The following PARD3B variants were observed in gnomAD, a reference collection of about 807,000 sequenced individuals.
The protein encoded by PARD3B is partitioning defective 3 homolog B.
A neutral mutation model predicts 130.2 loss-of-function variants in PARD3B; 103 were observed. That is an observed-to-expected ratio of 0.79 (90% CI 0.67 to 0.93). The LOEUF is 0.93. Ranked by LOEUF, PARD3B falls within the 40% of genes least tolerant of loss-of-function variation. The pLI is 0.00. For missense variants in PARD3B, 1,609 were observed against 1,499.2 expected, an observed-to-expected ratio of 1.07 and a Z score of -1.21; for synonymous variants, 583 against 553.2, an observed-to-expected ratio of 1.05 and a Z score of -0.76.
intron 20 of PARD3B, among the ~76,000 whole-genome samples, chr2:205,456,258 A>T (rs1328319269): frequency 6.6e-6 from 1 of 152,152 alleles, no homozygotes; most frequent in African/African-American, 2.4e-5. Flanking sequence ...TTAATCATTC[A>T]TCTGTTCCTG....
chr2:204,909,170 T>A (rs750553963), intron 2 of PARD3B, among the ~76,000 whole-genome samples: 8 of 152,168 alleles, frequency 5.3e-5, no homozygotes, highest in Non-Finnish European at 1.5e-5. Flanking sequence ...TACACTTTTG[T>A]CAAGATATTA....
chr2:204,795,053 A>G (rs1030483057), intron 2 of PARD3B, among the ~76,000 whole-genome samples: 1 of 152,226 alleles, frequency 6.6e-6, no homozygotes, highest in African/African-American at 2.4e-5. Context: ...GTAGATAGAA[A>G]TATTCAAAAT....
chr2:205,063,014 T>C (rs1174264214), intron 4 of PARD3B, among the ~76,000 whole-genome samples: 1 of 152,058 alleles, frequency 6.6e-6, no homozygotes, highest in African/African-American at 2.4e-5. Context: ...ATTATTGTAT[T>C]ATTAATTAAT....
chr2:204,831,508 G>A (rs1052785468), intron 2 of PARD3B, among the ~76,000 whole-genome samples: 2 of 152,132 alleles, frequency 1.3e-5, no homozygotes, highest in South Asian at 2.1e-4. Context: ...TAGCAGAAAC[G>A]TTAAAATCAA....
At chr2:204,861,924 CA>C (rs60473341) in intron 2 of PARD3B, among the ~76,000 whole-genome samples, 4,372 of 33,988 alleles carry the variant, frequency 0.13, 27 homozygotes, top group Non-Finnish European at 0.15. Context: ...AGACATTTCT[CA>C]AAAAAAAAAA....
intron 18 of PARD3B, among the ~76,000 whole-genome samples, chr2:205,303,225 T>A (rs953672996): frequency 6.6e-6 from 1 of 152,200 alleles, no homozygotes; most frequent in African/African-American, 2.4e-5. Flanking sequence ...CTTCTCCTAT[T>A]TCTCAGTCTT....
intron 3 of PARD3B, among the ~76,000 whole-genome samples, chr2:204,987,319 A>G (rs781543387): frequency 6.6e-6 from 1 of 152,214 alleles, no homozygotes; most frequent in Non-Finnish European, 1.5e-5. Context: ...GGAATAAAAC[A>G]TTTTGGAAGA....
chr2:205,538,497 A>C (rs533379954), intron 21 of PARD3B, among the ~76,000 whole-genome samples: 48 of 151,920 alleles, frequency 3.2e-4, no homozygotes, highest in Admixed American at 2.0e-3. Flanking sequence ...ACACACATGC[A>C]TATCATCCTT....
intron 1 of PARD3B, among the ~76,000 whole-genome samples, chr2:204,646,594 A>G (rs1250339242): frequency 1.3e-5 from 2 of 152,032 alleles, no homozygotes; most frequent in Non-Finnish European, 2.9e-5. Context: ...GAATATTCTG[A>G]GACATACCAG....
Position 205,274,494 on chromosome 2 carries a change from C to T in PARD3B, c.2186-26036C>T, listed in dbSNP as rs2040862152. Among the ~76,000 whole-genome samples the T allele has an allele frequency of 1.3e-5, 2 of 151,044 alleles. No homozygotes were observed. Among genetic ancestry groups the T allele is most frequent in the Admixed American group, 1.3e-4 (2 of 15,068 alleles). On this transcript the variant is annotated intron_variant, in intron 16 of 22. Transcript: ENST00000406610. The surrounding 1 kb of genome is among the most constrained non-coding windows in gnomAD (Gnocchi z 4.2). Reference sequence around the variant, plus strand: ...AGTTCTTGCAATATTTATTATTAAACATTAATTATTAAATATGAATAGTAT... The same window carrying T: ...AGTTCTTGCAATATTTATTATTAAATATTAATTATTAAATATGAATAGTAT...
At chr2:204,811,203 T>C (rs2042949499) in intron 2 of PARD3B, among the ~76,000 whole-genome samples, 1 of 152,166 alleles carries the variant, frequency 6.6e-6, no homozygotes, top group African/African-American at 2.4e-5. Flanking sequence ...CTATTTCTTC[T>C]TTATTAATCT....
At chr2:205,560,593 G>A (rs942259300) in intron 22 of PARD3B, among the ~76,000 whole-genome samples, 2 of 152,198 alleles carry the variant, frequency 1.3e-5, no homozygotes, top group Non-Finnish European at 2.9e-5. Context: ...ATTTCCTGGT[G>A]GAGTGCTGCA....
chr2:204,940,081 G>C (rs1049102303), intron 2 of PARD3B, among the ~76,000 whole-genome samples: 1 of 152,128 alleles, frequency 6.6e-6, no homozygotes, highest in Non-Finnish European at 1.5e-5. Context: ...AGAGCTTACC[G>C]GACTCTGGAG....
intron 2 of PARD3B, among the ~76,000 whole-genome samples, chr2:204,795,326 G>C (rs746135713): frequency 3.3e-5 from 5 of 152,178 alleles, no homozygotes; most frequent in African/African-American, 4.8e-5. Context: ...CTGCAAACAG[G>C]AAGGGTCTGT....
chr2:205,108,284 A>T (rs1474104493), intron 5 of PARD3B, among the ~76,000 whole-genome samples: 1 of 152,154 alleles, frequency 6.6e-6, no homozygotes, highest in Non-Finnish European at 1.5e-5. Context: ...CTGCATAAAT[A>T]TTTCTAAACC....
At chr2:204,634,980 T>A (rs1162965851) in intron 1 of PARD3B, among the ~76,000 whole-genome samples, 1 of 152,214 alleles carries the variant, frequency 6.6e-6, no homozygotes, top group East Asian at 1.9e-4. Context: ...ATCCTTTCCC[T>A]TTTTTACTGG....
chr2:205,352,641 C>A lies in PARD3B; in HGVS notation c.2631-48372C>A, dbSNP rs1315116676. ...AGATACACAGGCATCAAATGAAGCT[C>A]TTTTGATGTGAGGTGTTGGAGATAA... On this transcript the variant is annotated intron_variant, in intron 18 of 22. Coordinates refer to ENST00000406610, the MANE Select transcript of PARD3B (RefSeq NM_001302769.2). This position sits in a 1 kb window ranked among gnomAD's most constrained non-coding sequence, Gnocchi z 5.2. Among the ~76,000 whole-genome samples the A allele has an allele frequency of 6.6e-6, 1 of 152,136 alleles. No individual in the cohort carries two copies. The highest frequency in any genetic ancestry group is 1.5e-5 in the Non-Finnish European group (1 of 68,014).
chr2:205,583,123 C>A (rs1456762030), intron 22 of PARD3B, among the ~76,000 whole-genome samples: 2 of 152,228 alleles, frequency 1.3e-5, no homozygotes, highest in Non-Finnish European at 2.9e-5. Flanking sequence ...AATATATGCT[C>A]TCCGTGGATT....
In PARD3B at chr2:205,151,725, G is replaced by C. The variant is rs867112203; in HGVS notation, c.1435-6997G>C. Among the ~76,000 whole-genome samples, 9 of 152,270 alleles carry C rather than the reference G, an allele frequency of 5.9e-5. No individual in the cohort carries two copies. The Middle Eastern group carries it at 0.01, about 173-fold the overall frequency. On this transcript the variant is annotated intron_variant, in intron 10 of 22. Transcript: ENST00000406610. ...TCTTGACTCTTCATCCAATTTACCA[G>C]TCTGTCTTTTAATTGGGGCATTTAG...
Sources: gnomAD v4.1 joint callset for allele counts (sites outside exome capture counted in the v4.1 genomes callset) on GRCh38, gnomAD v4.1.1 for gene constraint, Gnocchi (gnomAD v3.1) non-coding constraint, MANE v1.5 for transcripts, NCBI Gene and HGNC (gene_info 2026-07-23, HGNC 2026-07-21) for gene names.